The following CCNJL variants were observed in gnomAD, a reference collection of about 807,000 sequenced individuals.
CCNJL encodes cyclin-J-like protein.
CCNJL carries 33 observed loss-of-function variants against 33.4 expected under a neutral mutation model. The ratio of observed to expected loss-of-function variants is 0.99; its 90% CI spans 0.75 to 1.32. The LOEUF is 1.32. Ranked by LOEUF, CCNJL falls within the 40% of genes most tolerant of loss-of-function variation. CCNJL has a pLI of 0.00. For synonymous variants in CCNJL, 227 were observed against 220.9 expected, an observed-to-expected ratio of 1.03 and a Z score of -0.24; for missense variants, 512 against 499.7, an observed-to-expected ratio of 1.02 and a Z score of -0.23.
Position 160,282,966 on chromosome 5 carries a change from A to AATATATATAT in CCNJL, c.67-2238_67-2229dup, listed in dbSNP as rs70990720. Among the ~76,000 whole-genome samples, 161 of 43,312 alleles carry AATATATATAT rather than the reference A, an allele frequency of 3.7e-3. 6 individuals are homozygous for AATATATATAT. The highest frequency in any genetic ancestry group is 4.9e-3 in the Non-Finnish European group (104 of 21,096). The allele number at this position is 43,312 out of a possible 152,430, so 28.4% of individuals were successfully genotyped here. On this transcript the variant is annotated intron_variant, in intron 2 of 5. Coordinates refer to ENST00000257536, the MANE Select transcript of CCNJL (RefSeq NM_001308173.3). ...GTGACCCAGCCATTCCAGTCCTTGG[A>AATATATATAT]ATATATATATATATATATATATATA...
At chr5:160,326,577 A>C (rs1737741123) in intron 1 of CCNJL, 4 of 493,554 alleles carry the variant, frequency 8.1e-6, no homozygotes, top group Non-Finnish European at 1.5e-5. Context: ...TGCCAATATA[A>C]ATTAAATGAT....
chr5:160,263,648 TG>T (rs1761443988), intron 3 of CCNJL, among the ~76,000 whole-genome samples: 1 of 152,224 alleles, frequency 6.6e-6, no homozygotes, highest in Middle Eastern at 3.2e-3. Context: ...AACGTCACTT[TG>T]TCCTGGCTTA....
intron 2 of CCNJL, among the ~76,000 whole-genome samples, chr5:160,286,123 C>T (rs1295423131): frequency 2.6e-5 from 4 of 152,196 alleles, no homozygotes; most frequent in Non-Finnish European, 5.9e-5. Flanking sequence ...GCCACGCTGC[C>T]TTCATCAGTG....
upstream of CCNJL, among the ~76,000 whole-genome samples, chr5:160,313,930 G>T (rs150406284): frequency 3.9e-5 from 6 of 152,358 alleles, no homozygotes; most frequent in East Asian, 9.6e-4. Context: ...ACTTTGGGAG[G>T]CCAAGGGCAG....
At chr5:160,275,777 A>ACCCT (rs1248656431) in intron 3 of CCNJL, among the ~76,000 whole-genome samples, 47 of 151,574 alleles carry the variant, frequency 3.1e-4, no homozygotes, top group African/African-American at 1.1e-3. Context: ...TTTCTCCCCA[A>ACCCT]CCCTCCCTCC....
intron 2 of CCNJL, among the ~76,000 whole-genome samples, chr5:160,283,008 T>TATATATATATATATATATAC (rs1554120707): frequency 1.1e-4 from 6 of 52,658 alleles, no homozygotes; most frequent in African/African-American, 4.2e-4. Context: ...TATATATATA[T>TATATATATATATATATATAC]ACATATATAT....
At chr5:160,316,653 C>T (rs1160075103), upstream of CCNJL, among the ~76,000 whole-genome samples, 1 of 152,210 alleles carries the variant, frequency 6.6e-6, no homozygotes, top group Non-Finnish European at 1.5e-5. Flanking sequence ...GTGATTTATG[C>T]ATTCACCAGT....
intron 1 of CCNJL, among the ~76,000 whole-genome samples, chr5:160,329,975 C>T (rs1235659340): frequency 1.3e-5 from 2 of 152,158 alleles, no homozygotes; most frequent in Non-Finnish European, 2.9e-5. Context: ...CCCACCCCTG[C>T]CTCTTTCCAA....
chr5:160,311,733 G>A, intron 2 of CCNJL, 125 bp downstream of exon 2: 1 of 840,262 alleles, frequency 1.2e-6, no homozygotes, highest in Admixed American at 1.8e-5. Flanking sequence ...AGAAGGTAAA[G>A]GGTAAGAGGA....
chr5:160,254,254 T>G, intron 5 of CCNJL: 3 of 555,548 alleles, frequency 5.4e-6, no homozygotes, highest in Non-Finnish European at 9.5e-6. Context: ...GCCAGCTCCA[T>G]CCCCAGCGGG....
chr5:160,296,274 T>C (rs1056752526), intron 2 of CCNJL, among the ~76,000 whole-genome samples: 2 of 152,170 alleles, frequency 1.3e-5, no homozygotes, highest in Non-Finnish European at 2.9e-5. Context: ...CCAATGAACA[T>C]CAATTCCCTT....
At chr5:160,330,670 C>CA (rs1561815289) in intron 1 of CCNJL, among the ~76,000 whole-genome samples, 1 of 148,620 alleles carries the variant, frequency 6.7e-6, no homozygotes, top group Non-Finnish European at 1.5e-5. Flanking sequence ...CTTTTCTTTT[C>CA]TTTTTTTTTT....
chr5:160,284,701 G>A lies in CCNJL; in HGVS notation c.67-3963C>T, dbSNP rs143705140. On this transcript the variant is annotated intron_variant, in intron 2 of 5. Transcript: ENST00000257536. Reference sequence around the variant, plus strand: ...AGAGACCAGGACTCAGCTATTTTTCGCAGTCCTAGAGCTTTGCTCATGGAA... The same window carrying A: ...AGAGACCAGGACTCAGCTATTTTTCACAGTCCTAGAGCTTTGCTCATGGAA... Among the ~76,000 whole-genome samples, 654 of 152,308 alleles carry A rather than the reference G, an allele frequency of 4.3e-3. 4 individuals carry two copies. The highest frequency in any genetic ancestry group is 0.015 in the African/African-American group (610 of 41,568).
intron 3 of CCNJL, among the ~76,000 whole-genome samples, chr5:160,275,720 T>G (rs997430868): frequency 1.3e-5 from 2 of 152,216 alleles, no homozygotes; most frequent in Non-Finnish European, 1.5e-5. Flanking sequence ...GGTCTTACAG[T>G]TAAGGCCTAG....
chr5:160,277,264 T>C (rs1401705895), intron 3 of CCNJL, among the ~76,000 whole-genome samples: 2 of 152,114 alleles, frequency 1.3e-5, no homozygotes, highest in Non-Finnish European at 2.9e-5. Context: ...GTGTGTAAAG[T>C]GCCTGGCATG....
At chr5:160,280,031 T>C (rs543570009) in intron 3 of CCNJL, among the ~76,000 whole-genome samples, 77 of 152,342 alleles carry the variant, frequency 5.1e-4, no homozygotes, top group Non-Finnish European at 9.1e-4. Flanking sequence ...GACCACACAA[T>C]GGGTCCTGCT....
intron 1 of CCNJL, among the ~76,000 whole-genome samples, chr5:160,337,703 T>C (rs1239210364): frequency 6.6e-6 from 1 of 152,142 alleles, no homozygotes. Context: ...CCATTGGAGA[T>C]TTGTAGGCAT....
rs1468098751 is a variant in CCNJL at position 160,251,666 on chromosome 5, C to A, written c.*1712G>T. On this transcript the variant is annotated 3_prime_UTR_variant, in exon 6 of 6. Coordinates refer to ENST00000257536, the MANE Select transcript of CCNJL (RefSeq NM_001308173.3). ...AGGACAAGAGGTGAGAGATCAAGAG[C>A]AGGTGACGTGTTTATTGTGGGACGC... The A allele has an allele frequency of 6.6e-6, 1 of 152,242 alleles. No individual in the cohort carries two copies. Among genetic ancestry groups the A allele is most frequent in the African/African-American group, 2.4e-5 (1 of 41,442 alleles). 9.4% of individuals were successfully genotyped at this position (152,242 alleles called of 1,614,324 possible).
chr5:160,255,835 G>T, intron 4 of CCNJL, 127 bp from the exon 5 acceptor site: 1 of 762,768 alleles, frequency 1.3e-6, no homozygotes, highest in Non-Finnish European at 2.1e-6. Flanking sequence ...AAATAGGATG[G>T]AAAATTAGAA....
Sources: gnomAD v4.1 joint callset for allele counts (sites outside exome capture counted in the v4.1 genomes callset) on GRCh38, gnomAD v4.1.1 for gene constraint, MANE v1.5 for transcripts, NCBI Gene and HGNC (gene_info 2026-07-23, HGNC 2026-07-21) for gene names.